Variants in BLCAP observed in about 807,000 individuals in gnomAD.
BLCAP encodes BLCAP apoptosis inducing factor, also known as apoptosis inducing factor BLCAP.
BLCAP carries 1 observed loss-of-function variant against 5.7 expected under a neutral mutation model. The ratio of observed to expected loss-of-function variants is 0.18; its 90% CI spans 0.06 to 0.83. The LOEUF is 0.83. Among genes scored for constraint, BLCAP ranks in the 40% least tolerant of loss-of-function variants. The pLI, the probability that BLCAP is intolerant of heterozygous loss-of-function variation, is 0.71. For missense variants in BLCAP, 66 were observed against 107.6 expected, an observed-to-expected ratio of 0.61 and a Z score of 1.71; for synonymous variants, 48 against 49.4, an observed-to-expected ratio of 0.97 and a Z score of 0.11.
chr20:37,526,071 G>A (rs939637292), intron 1 of BLCAP, among the ~76,000 whole-genome samples: 3 of 152,124 alleles, frequency 2.0e-5, no homozygotes, highest in African/African-American at 7.2e-5. Flanking sequence ...CTTTATCTGT[G>A]GAATATTTGA....
chr20:37,522,256 A>G, intron 1 of BLCAP: 1 of 733,162 alleles, frequency 1.4e-6, no homozygotes, highest in Non-Finnish European at 2.3e-6. Context: ...ATCAGAAGAA[A>G]GCGCTTTGCC....
rs548948614 is a variant in BLCAP at position 37,521,482 on chromosome 20, C to T, written c.-176-2132G>A. 2.9e-4 allele frequency: 406 copies of T among 1,402,304 alleles called. 1 individual carries two copies. The highest frequency in any genetic ancestry group is 2.4e-3 in the Admixed American group (140 of 59,508). 86.9% of individuals were successfully genotyped at this position (1,402,304 alleles called of 1,614,324 possible). The stretch of plus-strand genomic sequence containing the variant: ...ACCCGCAAGACTGCGTCGCGATTGC[C>T]GCTTCCCGGACCCGTCCTATTCCGA... On this transcript the variant is annotated intron_variant, in intron 1 of 1. Transcript: ENST00000373537. This position sits in a 1 kb window ranked among gnomAD's most constrained non-coding sequence, Gnocchi z 4.5.
At position 37,517,596 on chromosome 20, in the gene BLCAP, G is replaced by C. The variant is rs117470892; in HGVS notation, c.*1315C>G. ...CATCTCTCTTTCCCCTCAGGCAAGA[G>C]AGAGATGGATGGATCAGACTGAAAG... On this transcript the variant is annotated 3_prime_UTR_variant, in exon 2 of 2. Transcript: ENST00000373537. The C allele has an allele frequency of 2.4e-4, 37 of 152,594 alleles. No individual in the cohort carries two copies. In the East Asian group the frequency reaches 4.8e-3, roughly 20 times the overall value. 9.5% of individuals were successfully genotyped at this position (152,594 alleles called of 1,614,324 possible).
At chr20:37,519,773 GC>G (rs1366544188) in intron 1 of BLCAP, among the ~76,000 whole-genome samples, 1 of 152,242 alleles carries the variant, frequency 6.6e-6, no homozygotes, top group Admixed American at 6.5e-5. Context: ...TCCCTGCTGT[GC>G]CCCCACGTGG....
intron 1 of BLCAP, chr20:37,523,071 G>A (rs2071645491): frequency 6.3e-6 from 2 of 319,082 alleles, no homozygotes; most frequent in African/African-American, 2.1e-5. Context: ...GACAAAGTCG[G>A]GACAGCACCA....
At chr20:37,520,377 C>G (rs757981201) in intron 1 of BLCAP, 1 of 152,256 alleles carries the variant, frequency 6.6e-6, no homozygotes, top group African/African-American at 2.4e-5. Context: ...TAACCCCGTT[C>G]GGTGATCCAG....
chr20:37,519,404 CAAAA>C (rs543149253), intron 1 of BLCAP, 54 bp from the exon 2 acceptor site: 3 of 42,998 alleles, frequency 7.0e-5, no homozygotes, highest in Admixed American at 2.8e-4. Flanking sequence ...GACAGACAGA[CAAAA>C]AAAAAAAAAA....
chr20:37,519,404 CAA>C (rs543149253), intron 1 of BLCAP, 54 bp from the exon 2 acceptor site: 1,316 of 42,920 alleles, frequency 0.031, 23 homozygotes, highest in East Asian at 0.16. Context: ...GACAGACAGA[CAA>C]AAAAAAAAAA....
At chr20:37,522,806 T>TGCATCTCG in intron 1 of BLCAP, 2 of 1,513,274 alleles carry the variant, frequency 1.3e-6, no homozygotes, top group Non-Finnish European at 1.8e-6. Context: ...GGTGCTCCTG[T>TGCATCTCG]GCATCTCGGC....
intron 1 of BLCAP, 74 bp from the exon 2 acceptor site, chr20:37,519,424 G>GA (rs35394410): frequency 1.5e-4 from 11 of 71,260 alleles, no homozygotes; most frequent in South Asian, 5.5e-4. Flanking sequence ...AAAAAAAAAA[G>GA]AAAAAAAAAA....
At chr20:37,526,271 T>TCCCCCCCCCCCCCCCCCCCCCCCCCC (rs11477433) in intron 1 of BLCAP, among the ~76,000 whole-genome samples, 9 of 125,186 alleles carry the variant, frequency 7.2e-5, no homozygotes, top group Non-Finnish European at 1.2e-4. Context: ...GCAGTTAACT[T>TCCCCCCCCCCCCCCCCCCCCCCCCCC]CCCCCCCCCA....
rs767660247 is a variant in BLCAP at position 37,521,344 on chromosome 20, G to A, written c.-176-1994C>T. Reference sequence around the variant, plus strand: ...CATTCTTGGAACCATGGCGGCAGTGGCGGCGGCCTCGGCTGAACTGCTCAT... The same window carrying A: ...CATTCTTGGAACCATGGCGGCAGTGACGGCGGCCTCGGCTGAACTGCTCAT... On this transcript the variant is annotated intron_variant, in intron 1 of 1. Transcript: ENST00000373537. The surrounding 1 kb of genome is among the most constrained non-coding windows in gnomAD (Gnocchi z 4.5). 6.2e-7 allele frequency: 1 copy of A among 1,614,098 alleles called. No homozygotes were observed. Among genetic ancestry groups the A allele is most frequent in the Non-Finnish European group, 8.5e-7 (1 of 1,179,960 alleles).
At position 37,521,381 on chromosome 20, in the gene BLCAP, A is replaced by G; in HGVS notation, c.-176-2031T>C. On this transcript the variant is annotated intron_variant, in intron 1 of 1. Transcript: ENST00000373537. This position sits in a 1 kb window ranked among gnomAD's most constrained non-coding sequence, Gnocchi z 4.5. ...GCTGAACTGCTCATCATCGGCTGGT[A>G]CATCTTCCGCGTGCTGCTGCAGGTA... is the stretch of plus-strand genomic sequence containing the variant. 1 of 1,614,060 alleles carries G rather than the reference A, an allele frequency of 6.2e-7. No homozygotes were observed. Among genetic ancestry groups the G allele is most frequent in the East Asian group, 2.2e-5 (1 of 44,874 alleles).
chr20:37,523,854 T>C (rs949460613), intron 1 of BLCAP, among the ~76,000 whole-genome samples: 1 of 152,180 alleles, frequency 6.6e-6, no homozygotes, highest in Non-Finnish European at 1.5e-5. Flanking sequence ...ATCTCAATGC[T>C]GTCCTGTGAT....
rs2071451949 is a variant in BLCAP at position 37,518,494 on chromosome 20, A to T, written c.*417T>A. 2 of 171,824 alleles carry T rather than the reference A, an allele frequency of 1.2e-5. No homozygotes were observed. The highest frequency in any genetic ancestry group is 2.5e-5 in the Non-Finnish European group (2 of 79,414). 10.6% of individuals were successfully genotyped at this position (171,824 alleles called of 1,614,324 possible). A position where few individuals can be genotyped will look rare whatever the true frequency, so the allele number is the denominator to read the frequency against. On this transcript the variant is annotated 3_prime_UTR_variant, in exon 2 of 2. Coordinates refer to ENST00000373537, the MANE Select transcript of BLCAP (RefSeq NM_006698.4). ...GAAATAAAGGGAAACCAGAAGAGGGACTGAGGAGTCAGTAACATTCTGGGA... is the reference window on the plus strand; with the variant it reads ...GAAATAAAGGGAAACCAGAAGAGGGTCTGAGGAGTCAGTAACATTCTGGGA...
At position 37,521,533 on chromosome 20, in the gene BLCAP, T is replaced by A; in HGVS notation, c.-176-2183A>T. 1 of 939,712 alleles carries A rather than the reference T, an allele frequency of 1.1e-6. No individual in the cohort carries two copies. Among genetic ancestry groups the A allele is most frequent in the Non-Finnish European group, 1.7e-6 (1 of 601,218 alleles). The allele number at this position is 939,712 out of a possible 1,614,324, so 58.2% of individuals were successfully genotyped here. ...TTGCCGCGATCCTTGCCTGCCCAAG[T>A]GCCGCTGCCGGCACCGCGCGCCCCC... is the stretch of plus-strand genomic sequence containing the variant. On this transcript the variant is annotated intron_variant, in intron 1 of 1. Coordinates refer to ENST00000373537, the MANE Select transcript of BLCAP (RefSeq NM_006698.4). This position sits in a 1 kb window ranked among gnomAD's most constrained non-coding sequence, Gnocchi z 4.5.
At position 37,521,425 on chromosome 20, in the gene BLCAP, G is replaced by T. The variant is rs752988971; in HGVS notation, c.-176-2075C>A. On this transcript the variant is annotated intron_variant, in intron 1 of 1. Transcript: ENST00000373537. The surrounding 1 kb of genome is among the most constrained non-coding windows in gnomAD (Gnocchi z 4.5). ...GCAGGTAAGTCTGACGGGGTTTCGGGTGGGAGAGGGTTCCCAACTCGCGCC... is the reference window on the plus strand; with the variant it reads ...GCAGGTAAGTCTGACGGGGTTTCGGTTGGGAGAGGGTTCCCAACTCGCGCC... The T allele has an allele frequency of 4.3e-6, 7 of 1,612,820 alleles. No individual in the cohort carries two copies. In the South Asian group the frequency reaches 7.7e-5, roughly 18 times the overall value.
intron 1 of BLCAP, chr20:37,522,923 G>A: frequency 1.7e-6 from 1 of 599,306 alleles, no homozygotes; most frequent in Admixed American, 3.1e-5. Context: ...CGGAGAAGCA[G>A]TACCGACAAT....
At chr20:37,527,158 CAGGCA>C in intron 1 of BLCAP, 1 of 152,192 alleles carries the variant, frequency 6.6e-6, no homozygotes, top group Non-Finnish European at 1.5e-5. Flanking sequence ...ATTAGTGCGC[CAGGCA>C]TTCCGTTCCT....
Sources: gnomAD v4.1 joint callset for allele counts (sites outside exome capture counted in the v4.1 genomes callset) on GRCh38, gnomAD v4.1.1 for gene constraint, Gnocchi (gnomAD v3.1) non-coding constraint, MANE v1.5 for transcripts, NCBI Gene and HGNC (gene_info 2026-07-23, HGNC 2026-07-21) for gene names.